KIF1A: variants seen among roughly 807,000 people sequenced by gnomAD.
The protein encoded by KIF1A is kinesin family member 1A.
KIF1A carries 46 observed loss-of-function variants against 227.3 expected under a neutral mutation model. The observed-to-expected ratio is 0.20, with a 90% CI of 0.16 to 0.26. The LOEUF is 0.26. KIF1A is among the 10% of genes least tolerant of loss of function. KIF1A has a pLI of 1.00. For synonymous variants in KIF1A, 1,022 were observed against 1,012.8 expected (o/e 1.01, Z -0.17); for missense variants, 1,683 against 2,485.9 (o/e 0.68, Z 6.87).
At chr2:240,784,949 A>G (rs762321019) in intron 7 of KIF1A, 40 bp downstream of exon 7, 1 of 1,524,208 alleles carries the variant, frequency 6.6e-7, no homozygotes, top group Non-Finnish European at 9.1e-7. Context: ...ACCACCAGCC[A>G]CTGCCCTTGG....
In KIF1A at chr2:240,725,609, C is replaced by T; in HGVS notation, c.4123-205G>A. On this transcript the variant is annotated intron_variant, in intron 39 of 48. Coordinates refer to ENST00000498729, the MANE Select transcript of KIF1A (RefSeq NM_001244008.2). The surrounding 1 kb of genome is among the most constrained non-coding windows in gnomAD (Gnocchi z 5.8). Reference sequence around the variant, plus strand: ...CCCCACTGGGGACAGGTAGCCACAGCTCTGTCCACCCCTGGGCTGCCTGAG... The same window carrying T: ...CCCCACTGGGGACAGGTAGCCACAGTTCTGTCCACCCCTGGGCTGCCTGAG... The T allele has an allele frequency of 3.4e-6, 2 of 582,208 alleles. No homozygotes were observed. Among genetic ancestry groups the T allele is most frequent in the South Asian group, 2.1e-5 (1 of 47,128 alleles). 36.1% of individuals were successfully genotyped at this position (582,208 alleles called of 1,614,324 possible).
At position 240,719,765 on chromosome 2, in the gene KIF1A, C is replaced by T; in HGVS notation, c.5021+9G>A. The T allele has an allele frequency of 6.4e-7, 1 of 1,552,576 alleles. No homozygotes were observed. The highest frequency in any genetic ancestry group is 1.4e-5 in the African/African-American group (1 of 72,802). On this transcript the variant is annotated intron_variant, in intron 46 of 48. Transcript: ENST00000498729. ...TGGTGGCGGTGCTTTCCAGGGAGGC[C>T]CCACACACCTGACTCGGATCTCCTG...
intron 1 of KIF1A, among the ~76,000 whole-genome samples, chr2:240,803,921 G>A (rs939392258): frequency 6.6e-6 from 1 of 152,194 alleles, no homozygotes; most frequent in Admixed American, 6.5e-5. Flanking sequence ...CATTTTGGTT[G>A]ACAAATACTG....
chr2:240,754,528 C>G (rs2049605342), intron 27 of KIF1A, among the ~76,000 whole-genome samples: 1 of 152,250 alleles, frequency 6.6e-6, no homozygotes, highest in Non-Finnish European at 1.5e-5. Context: ...CCATGCCAAC[C>G]AATGCACCCG....
intron 1 of KIF1A, among the ~76,000 whole-genome samples, chr2:240,810,562 T>A (rs903630141): frequency 3.9e-5 from 6 of 152,162 alleles, no homozygotes; most frequent in Non-Finnish European, 8.8e-5. Flanking sequence ...CAAGTAGAGA[T>A]GCTATACATA....
intron 6 of KIF1A, among the ~76,000 whole-genome samples, chr2:240,785,799 C>G (rs2054665787): frequency 6.6e-6 from 1 of 152,220 alleles, no homozygotes; most frequent in Admixed American, 6.5e-5. Context: ...GACTCACGAC[C>G]TCAGGAGCTG....
rs776862997 is a variant in KIF1A, at chr2:240,771,225, G to A, written c.1208-121C>T. 14 of 1,199,774 alleles carry A rather than the reference G, an allele frequency of 1.2e-5. No homozygotes were observed. The South Asian group carries it at 1.3e-4, about 11-fold the overall frequency. 74.3% of individuals were successfully genotyped at this position (1,199,774 alleles called of 1,614,324 possible). ...GCGGGCAGACAGACAGAGGGAGGGA[G>A]AGAAAAAAGATGAAGATGGGAAAAA... On this transcript the variant is annotated intron_variant, in intron 14 of 48. Coordinates refer to ENST00000498729, the MANE Select transcript of KIF1A (RefSeq NM_001244008.2).
chr2:240,805,216 T>C (rs1450733695), intron 1 of KIF1A, among the ~76,000 whole-genome samples: 1 of 151,680 alleles, frequency 6.6e-6, no homozygotes, highest in African/African-American at 2.4e-5. Flanking sequence ...GATTAGATCC[T>C]CAGCGACTTC....
rs2049504176 is a variant in KIF1A at position 240,753,812 on chromosome 2, G to A, written c.2859-3265C>T. ...TGAAATATGGTACTTATACCTCATC[G>A]CACAGAGGACGACCCTGAGGCAAAG... On this transcript the variant is annotated intron_variant, in intron 27 of 48. Transcript: ENST00000498729. Among the ~76,000 whole-genome samples the A allele has an allele frequency of 2.6e-5, 4 of 152,216 alleles. No individual in the cohort carries two copies. The South Asian group carries it at 6.2e-4, about 24-fold the overall frequency.
rs1236036879 is a variant in KIF1A, at chr2:240,752,504, T to C, written c.2859-1957A>G. 6.6e-6 allele frequency among the ~76,000 whole-genome samples: 1 copy of C among 150,510 alleles called. No individual in the cohort carries two copies. The highest frequency in any genetic ancestry group is 2.0e-4 in the East Asian group (1 of 5,062). On this transcript the variant is annotated intron_variant, in intron 27 of 48. Coordinates refer to ENST00000498729, the MANE Select transcript of KIF1A (RefSeq NM_001244008.2). This position sits in a 1 kb window ranked among gnomAD's most constrained non-coding sequence, Gnocchi z 6.4. ...AAGGGTCTCTGCTTGACAGTGGGGG[T>C]GGGAAAAGGGGCTGCTACAAACTGA... is the stretch of plus-strand genomic sequence containing the variant.
intron 38 of KIF1A, chr2:240,734,806 G>A (rs942376152): frequency 2.2e-5 from 28 of 1,247,884 alleles, no homozygotes; most frequent in East Asian, 5.6e-5. Context: ...GGAGCGGGGT[G>A]GGGGACAGGC....
rs531948159 is a variant in KIF1A, at chr2:240,762,238, C to T, written c.2116+481G>A. Among the ~76,000 whole-genome samples the T allele has an allele frequency of 3.5e-4, 54 of 152,342 alleles. No individual in the cohort carries two copies. In the South Asian group the frequency reaches 4.4e-3, roughly 12 times the overall value. On this transcript the variant is annotated intron_variant, in intron 23 of 48. Transcript: ENST00000498729. ...TGTGGGCCACCTCTGCCCACAGCTG[C>T]GGGAGGTCAGCTGGGTTGGCCCCCG...
chr2:240,769,769 G>A, intron 15 of KIF1A, 63 bp from the exon 16 acceptor site: 1 of 1,370,952 alleles, frequency 7.3e-7, no homozygotes, highest in Non-Finnish European at 1.0e-6. Flanking sequence ...GGACAATGGA[G>A]ACACGGGTGC....
chr2:240,750,454 G>A lies in KIF1A; in HGVS notation c.2952C>T (p.Leu984=). The A allele has an allele frequency of 1.2e-6, 2 of 1,613,800 alleles. No homozygotes were observed. The highest frequency in any genetic ancestry group is 1.7e-6 in the Non-Finnish European group (2 of 1,179,738). The change falls in exon 28 of 49, where the codon CTC becomes CTT. Residue 984 remains leucine, a synonymous_variant. Coordinates refer to ENST00000498729, the MANE Select transcript of KIF1A (RefSeq NM_001244008.2). ...VSEKGEVKGF[L]RVAVQAISAD... Reference sequence around the variant, plus strand: ...CTGAGATGGCCTGGACGGCCACGCGGAGGAAGCCCTTCACCTCGCCCTTCT... The same window carrying A: ...CTGAGATGGCCTGGACGGCCACGCGAAGGAAGCCCTTCACCTCGCCCTTCT...
At chr2:240,784,946 G>C in intron 7 of KIF1A, 43 bp downstream of exon 7, 1 of 1,510,766 alleles carries the variant, frequency 6.6e-7, no homozygotes, top group Non-Finnish European at 9.2e-7. Flanking sequence ...CTGACCACCA[G>C]CCACTGCCCT....
chr2:240,807,114 G>GTGTATA (rs1553641835), intron 1 of KIF1A, among the ~76,000 whole-genome samples: 1 of 139,126 alleles, frequency 7.2e-6, no homozygotes, highest in African/African-American at 2.7e-5. Flanking sequence ...GTGTGTGTGT[G>GTGTATA]TGTGTGTGTG....
rs550926789 is a variant in KIF1A, at chr2:240,750,665, C to T, written c.2859-118G>A. 62 of 755,500 alleles carry T rather than the reference C, an allele frequency of 8.2e-5. No homozygotes were observed. The Admixed American group carries it at 8.4e-4, about 10-fold the overall frequency. 46.8% of individuals were successfully genotyped at this position (755,500 alleles called of 1,614,324 possible). A position where few individuals can be genotyped will look rare whatever the true frequency, so the allele number is the denominator to read the frequency against. ...ATGGAGCTGCAAAGCAGAGGGAAGCCGCCGGACAGGACAGCCAAGGCCAGG... is the reference window on the plus strand; with the variant it reads ...ATGGAGCTGCAAAGCAGAGGGAAGCTGCCGGACAGGACAGCCAAGGCCAGG... On this transcript the variant is annotated intron_variant, in intron 27 of 48. Coordinates refer to ENST00000498729, the MANE Select transcript of KIF1A (RefSeq NM_001244008.2).
chr2:240,767,023 T>G lies in KIF1A; in HGVS notation c.1578-2A>C. The G allele has an allele frequency of 6.2e-7, 1 of 1,600,738 alleles. No individual in the cohort carries two copies. Among genetic ancestry groups the G allele is most frequent in the Non-Finnish European group, 8.5e-7 (1 of 1,171,492 alleles). On this transcript the variant is annotated splice_acceptor_variant, in intron 18 of 48. Coordinates refer to ENST00000498729, the MANE Select transcript of KIF1A (RefSeq NM_001244008.2). LOFTEE classifies it high-confidence loss of function. The stretch of plus-strand genomic sequence containing the variant: ...CTCTCGCCATCCTCCCTGCCCACTC[T>G]GCGGGGTGGGGGCACCATCAGCACG...
intron 1 of KIF1A, among the ~76,000 whole-genome samples, chr2:240,812,105 C>T (rs77447330): frequency 0.074 from 11,272 of 152,216 alleles, 579 homozygotes; most frequent in East Asian, 0.14. Context: ...ACTGGGCGCA[C>T]CGGGCCACGC....
Sources: allele counts gnomAD v4.1 joint callset (sites outside exome capture counted in the v4.1 genomes callset), GRCh38; gene constraint gnomAD v4.1.1; non-coding constraint Gnocchi (gnomAD v3.1); transcripts MANE v1.5; gene names NCBI Gene and HGNC (gene_info 2026-07-23, HGNC 2026-07-21).